Variants in SCFD2 observed in about 807,000 individuals in gnomAD.
SCFD2 encodes the protein sec1 family domain-containing protein 2.
SCFD2 carries 54 observed loss-of-function variants against 58.9 expected under a neutral mutation model. The observed-to-expected ratio is 0.92, with a 90% CI of 0.74 to 1.15. The LOEUF (loss-of-function observed/expected upper bound fraction) is 1.15, where lower values mean the gene tolerates loss of function less well. Among genes scored for constraint, SCFD2 ranks in the 50% most tolerant of loss-of-function variants. The probability of loss-of-function intolerance (pLI) is 0.00; values close to 1 mark genes in which losing one functional copy is unlikely to be tolerated. For synonymous variants in SCFD2, 321 were observed against 335.9 expected, an observed-to-expected ratio of 0.96 and a Z score of 0.49; for missense variants, 805 against 836.6, an observed-to-expected ratio of 0.96 and a Z score of 0.47.
intron 4 of SCFD2, among the ~76,000 whole-genome samples, chr4:53,154,419 C>A (rs1413978408): frequency 6.6e-6 from 1 of 152,166 alleles, no homozygotes; most frequent in Admixed American, 6.5e-5. Context: ...CTCACATAAA[C>A]TCTGAGCAAG....
intron 4 of SCFD2, among the ~76,000 whole-genome samples, chr4:53,179,853 A>G (rs1192350508): frequency 6.6e-6 from 1 of 152,178 alleles, no homozygotes; most frequent in Non-Finnish European, 1.5e-5. Flanking sequence ...TTGCAATCCT[A>G]GTCTCTGATA....
At chr4:53,134,646 G>T (rs1725887037) in intron 5 of SCFD2, among the ~76,000 whole-genome samples, 1 of 152,138 alleles carries the variant, frequency 6.6e-6, no homozygotes, top group African/African-American at 2.4e-5. Flanking sequence ...CAAAGTTTTG[G>T]GAATTAAATA....
rs912115041 is a variant in SCFD2, at chr4:53,313,564, C to A, written c.1135+72G>T. On this transcript the variant is annotated intron_variant, in intron 3 of 8. Coordinates refer to ENST00000401642, the MANE Select transcript of SCFD2 (RefSeq NM_152540.4). Reference sequence around the variant, plus strand: ...TTGGCCTAGATTCCATGTTGGCTAGCTTGGCCCACAATTCAGAACAGGTTT... The same window carrying A: ...TTGGCCTAGATTCCATGTTGGCTAGATTGGCCCACAATTCAGAACAGGTTT... 9 of 1,584,470 alleles carry A rather than the reference C, an allele frequency of 5.7e-6. No individual in the cohort carries two copies. In the African/African-American group the frequency reaches 8.1e-5, roughly 14 times the overall value.
chr4:53,226,996 G>A (rs1033351947), intron 4 of SCFD2, among the ~76,000 whole-genome samples: 1 of 152,152 alleles, frequency 6.6e-6, no homozygotes, highest in Non-Finnish European at 1.5e-5. Flanking sequence ...CAAACTCCTT[G>A]CTGTTGAGGA....
At chr4:53,269,453 G>A (rs988008811) in intron 4 of SCFD2, among the ~76,000 whole-genome samples, 2 of 152,170 alleles carry the variant, frequency 1.3e-5, no homozygotes, top group African/African-American at 4.8e-5. Flanking sequence ...CAATCATTGT[G>A]AGTAATTTAA....
intron 5 of SCFD2, among the ~76,000 whole-genome samples, chr4:53,007,335 GGA>G (rs1204340553): frequency 2.6e-5 from 1 of 39,202 alleles, no homozygotes; most frequent in Non-Finnish European, 4.9e-5. Flanking sequence ...AGAGAGAGAG[GGA>G]GAGAGAGAGA....
intron 5 of SCFD2, among the ~76,000 whole-genome samples, chr4:53,049,827 C>G (rs142333160): frequency 0.011 from 1,729 of 152,204 alleles, 17 homozygotes; most frequent in Middle Eastern, 0.034. Context: ...AAAATGCTCT[C>G]TCTCAGTGGA....
intron 4 of SCFD2, among the ~76,000 whole-genome samples, chr4:53,157,906 C>A (rs1021182778): frequency 1.3e-5 from 2 of 152,214 alleles, no homozygotes; most frequent in African/African-American, 4.8e-5. Flanking sequence ...GGAAGATTAG[C>A]TCCCTGGATC....
chr4:53,305,271 G>T lies in SCFD2; in HGVS notation c.1135+8365C>A, dbSNP rs532369198. Among the ~76,000 whole-genome samples, 10 of 152,092 alleles carry T rather than the reference G, an allele frequency of 6.6e-5. No homozygotes were observed. The East Asian group carries it at 1.5e-3, about 23-fold the overall frequency. ...CTATGTTCTCTTCTAAGAGTGTTAT[G>T]GTTTCACATCTTACATTTAGGTCTT... On this transcript the variant is annotated intron_variant, in intron 3 of 8. Transcript: ENST00000401642.
At chr4:53,030,269 G>C (rs1224128141) in intron 5 of SCFD2, among the ~76,000 whole-genome samples, 1 of 152,120 alleles carries the variant, frequency 6.6e-6, no homozygotes, top group African/African-American at 2.4e-5. Flanking sequence ...AAACCACAAT[G>C]AGTGGTAGCT....
At chr4:53,306,121 T>C (rs767681356) in intron 3 of SCFD2, among the ~76,000 whole-genome samples, 3 of 152,172 alleles carry the variant, frequency 2.0e-5, no homozygotes, top group Non-Finnish European at 4.4e-5. Context: ...ATGAGAGCTA[T>C]GATAGAGAAA....
intron 4 of SCFD2, among the ~76,000 whole-genome samples, chr4:53,230,278 A>G (rs997241263): frequency 2.0e-5 from 3 of 152,216 alleles, no homozygotes; most frequent in Non-Finnish European, 4.4e-5. Context: ...CTGGGTATAT[A>G]CCCAAAGGAT....
At chr4:52,929,349 TATAAC>T (rs1478642315) in intron 5 of SCFD2, among the ~76,000 whole-genome samples, 1 of 152,122 alleles carries the variant, frequency 6.6e-6, no homozygotes, top group Admixed American at 6.5e-5. Flanking sequence ...ATCTTAAAAA[TATAAC>T]AAAACAAAAA....
chr4:53,185,541 T>C (rs1382751360), intron 4 of SCFD2, among the ~76,000 whole-genome samples: 1 of 152,074 alleles, frequency 6.6e-6, no homozygotes, highest in Non-Finnish European at 1.5e-5. Context: ...GGCAGGGTCC[T>C]ACCAGCAACC....
intron 1 of SCFD2, among the ~76,000 whole-genome samples, chr4:53,360,837 T>C (rs554715190): frequency 6.6e-6 from 1 of 152,362 alleles, no homozygotes; most frequent in South Asian, 2.1e-4. Flanking sequence ...CATCATATCT[T>C]GTGTTAGAAT....
chr4:53,235,033 G>A (rs1261757496), intron 4 of SCFD2, among the ~76,000 whole-genome samples: 2 of 152,196 alleles, frequency 1.3e-5, no homozygotes, highest in Non-Finnish European at 2.9e-5. Context: ...GATCCAAGAT[G>A]GCCACTCCTG....
intron 4 of SCFD2, among the ~76,000 whole-genome samples, chr4:53,184,252 G>C (rs976272526): frequency 6.6e-6 from 1 of 152,032 alleles, no homozygotes; most frequent in African/African-American, 2.4e-5. Context: ...ACCAGTCCTT[G>C]CAACTAGATG....
chr4:53,103,523 C>A (rs1361299335), intron 5 of SCFD2, among the ~76,000 whole-genome samples: 6 of 148,708 alleles, frequency 4.0e-5, no homozygotes, highest in African/African-American at 1.5e-4. Flanking sequence ...TTATAGATAT[C>A]TATATTTTCA....
chr4:53,248,867 GA>G (rs1730229536), intron 4 of SCFD2, among the ~76,000 whole-genome samples: 1 of 152,208 alleles, frequency 6.6e-6, no homozygotes, highest in South Asian at 2.1e-4. Context: ...AAACAGAACA[GA>G]AAAACTCGAA....
Sources: gnomAD v4.1 joint callset for allele counts (sites outside exome capture counted in the v4.1 genomes callset) on GRCh38, gnomAD v4.1.1 for gene constraint, MANE v1.5 for transcripts, NCBI Gene and HGNC (gene_info 2026-07-23, HGNC 2026-07-21) for gene names.